Variants in ALG14 observed in about 807,000 individuals in gnomAD.
ALG14 encodes ALG14 UDP-N-acetylglucosaminyltransferase subunit, also known as UDP-N-acetylglucosamine transferase subunit ALG14.
Under a neutral mutation model 22.8 loss-of-function variants are expected in ALG14, and 17 were observed. The ratio of observed to expected loss-of-function variants is 0.75; its 90% CI spans 0.51 to 1.12. ALG14 has a LOEUF of 1.12. ALG14 is among the 50% of genes most tolerant of loss of function. The pLI is 0.00. For synonymous variants in ALG14, 89 were observed against 103.7 expected, an observed-to-expected ratio of 0.86 and a Z score of 0.86; for missense variants, 288 against 271.8, an observed-to-expected ratio of 1.06 and a Z score of -0.42.
Position 95,072,819 on chromosome 1 carries a change from C to A in ALG14, c.80G>T (p.Arg27Leu), listed in dbSNP as rs1267285963. The A allele has an allele frequency of 6.2e-7, 1 of 1,614,176 alleles. No homozygotes were observed. The highest frequency in any genetic ancestry group is 1.1e-5 in the South Asian group (1 of 91,086). The change falls in exon 1 of 4, where the codon CGT becomes CTT. Residue 27 changes from arginine to leucine, a missense_variant. Arg to Leu is a moderately radical substitution (Grantham distance 102). Transcript: ENST00000370205. Reference sequence around the variant, plus strand: ...CTCCCGGGGCGTAACGTCCATGGAACGAAGCACTACCCATATTCGCAGGAT... The same window carrying A: ...CTCCCGGGGCGTAACGTCCATGGAAAGAAGCACTACCCATATTCGCAGGAT... The part of the protein sequence containing the change: ...FLILRIWVVL[R>L]SMDVTPRESL...
rs148945208 is a variant in ALG14, at chr1:95,060,954, A to C, written c.288+3912T>G. Among the ~76,000 whole-genome samples the C allele has an allele frequency of 2.0e-3, 298 of 152,268 alleles. 1 individual carries two copies. The highest frequency in any genetic ancestry group is 7.0e-3 in the African/African-American group (292 of 41,570). ...TCCTTCTGAATTAGAGTGGGCCCTAAATCCAACCGGTATCCTCATAAAAAA... is the reference window on the plus strand; with the variant it reads ...TCCTTCTGAATTAGAGTGGGCCCTACATCCAACCGGTATCCTCATAAAAAA... On this transcript the variant is annotated intron_variant, in intron 2 of 3. Transcript: ENST00000370205.
chr1:95,009,397 G>C (rs1673306071), intron 3 of ALG14, among the ~76,000 whole-genome samples: 1 of 152,014 alleles, frequency 6.6e-6, no homozygotes, highest in Non-Finnish European at 1.5e-5. Context: ...ATAGTAAGTA[G>C]AGCAGAGAAT....
chr1:95,038,064 A>T (rs1674255174), intron 2 of ALG14, among the ~76,000 whole-genome samples: 1 of 152,220 alleles, frequency 6.6e-6, no homozygotes, highest in Admixed American at 6.5e-5. Flanking sequence ...AAACTGGACC[A>T]GGTGCGGTGG....
chr1:95,036,757 C>G (rs1428597778), intron 2 of ALG14, among the ~76,000 whole-genome samples: 1 of 152,112 alleles, frequency 6.6e-6, no homozygotes, highest in Non-Finnish European at 1.5e-5. Context: ...ATTACCCAGT[C>G]TCGGGCAGTT....
intron 2 of ALG14, among the ~76,000 whole-genome samples, chr1:95,048,546 G>A (rs150132949): frequency 1.3e-5 from 2 of 152,280 alleles, no homozygotes; most frequent in East Asian, 3.9e-4. Flanking sequence ...ACGCCTTGGA[G>A]GGGTGGATGT....
In ALG14 at chr1:95,072,894, A is replaced by C; in HGVS notation, c.5T>G (p.Val2Gly). 6.2e-7 allele frequency: 1 copy of C among 1,614,008 alleles called. No homozygotes were observed. The highest frequency in any genetic ancestry group is 2.2e-5 in the East Asian group (1 of 44,870). Residue 2 changes from valine to glycine, a missense_variant, in exon 1 of 4, where the codon GTG (valine) becomes GGG (glycine). Transcript: ENST00000370205. M[V>G]CVLVLAAAAG... ...GGCCGCAGCTAGAACGAGAACGCAC[A>C]CCATGCAGAGAAACGGCGCATGCGT...
At chr1:95,041,628 AAAAG>A (rs1392348334) in intron 2 of ALG14, 14 of 152,004 alleles carry the variant, frequency 9.2e-5, no homozygotes, top group Admixed American at 2.0e-4. Flanking sequence ...AAAAAAAAAA[AAAAG>A]AAAGAAAGAA....
Position 95,049,713 on chromosome 1 carries a change from T to C in ALG14, c.288+15153A>G, listed in dbSNP as rs189986535. On this transcript the variant is annotated intron_variant, in intron 2 of 3. Transcript: ENST00000370205. ...ATAATGAGACCCTGTTACTACAAAA[T>C]ATCAAAAATTAGCCCAGTGTGGTGG... Among the ~76,000 whole-genome samples the C allele has an allele frequency of 3.3e-5, 5 of 151,334 alleles. No homozygotes were observed. The East Asian group carries it at 9.8e-4, about 30-fold the overall frequency.
intron 2 of ALG14, among the ~76,000 whole-genome samples, chr1:95,041,296 T>G (rs1674369630): frequency 1.3e-5 from 2 of 152,146 alleles, no homozygotes; most frequent in African/African-American, 4.8e-5. Context: ...ATAACTATGT[T>G]AAGCCACCAG....
intron 3 of ALG14, among the ~76,000 whole-genome samples, chr1:95,011,177 ACG>A: frequency 6.6e-6 from 1 of 152,214 alleles, no homozygotes; most frequent in East Asian, 1.9e-4. Context: ...CCTCACCTCC[ACG>A]GTGATGATAT....
At chr1:95,038,648 TCCAG>T (rs1363747049) in intron 2 of ALG14, among the ~76,000 whole-genome samples, 37 of 133,472 alleles carry the variant, frequency 2.8e-4, no homozygotes, top group South Asian at 7.8e-4. Context: ...ACCACTGCAC[TCCAG>T]CCTGGGCAAC....
intron 3 of ALG14, among the ~76,000 whole-genome samples, chr1:94,996,532 A>T (rs1333736103): frequency 1.3e-5 from 2 of 152,162 alleles, no homozygotes; most frequent in African/African-American, 2.4e-5. Context: ...TAGCAGAGAG[A>T]ACTGCCAGAT....
At chr1:95,059,413 A>AAAAAAAAC (rs1557653897) in intron 2 of ALG14, among the ~76,000 whole-genome samples, 2 of 143,406 alleles carry the variant, frequency 1.4e-5, no homozygotes, top group Non-Finnish European at 3.1e-5. Context: ...AAAAAAAAAA[A>AAAAAAAAC]AAAAAAACAT....
At chr1:94,986,662 G>A (rs1292375867) in intron 3 of ALG14, among the ~76,000 whole-genome samples, 2 of 151,776 alleles carry the variant, frequency 1.3e-5, no homozygotes, top group East Asian at 1.9e-4. Flanking sequence ...TAGTAGAGAC[G>A]GGGTTTCACC....
intron 2 of ALG14, among the ~76,000 whole-genome samples, chr1:95,054,940 A>C (rs1674878991): frequency 6.6e-6 from 1 of 152,238 alleles, no homozygotes; most frequent in African/African-American, 2.4e-5. Context: ...AAATCTAGCA[A>C]TGTATTAAAA....
At chr1:95,054,312 T>A (rs982749124) in intron 2 of ALG14, among the ~76,000 whole-genome samples, 1 of 152,060 alleles carries the variant, frequency 6.6e-6, no homozygotes, top group Non-Finnish European at 1.5e-5. Context: ...AGTGAGTGAG[T>A]TCTCACGGGA....
At chr1:95,029,023 C>T (rs1673913636) in intron 2 of ALG14, among the ~76,000 whole-genome samples, 1 of 152,230 alleles carries the variant, frequency 6.6e-6, no homozygotes, top group African/African-American at 2.4e-5. Flanking sequence ...AACAAATTAT[C>T]TCCAAATTTA....
chr1:95,063,075 T>C (rs187145528), intron 2 of ALG14, among the ~76,000 whole-genome samples: 1 of 152,348 alleles, frequency 6.6e-6, no homozygotes, highest in East Asian at 1.9e-4. Flanking sequence ...CTTTCATATG[T>C]TTGTTGGCTG....
chr1:95,047,886 G>A lies in ALG14; in HGVS notation c.288+16980C>T, dbSNP rs1452754349. The stretch of plus-strand genomic sequence containing the variant: ...AGCTACTTGGGAAGCTGAGGCAGGA[G>A]AATCACTTGAGCCCAGGAGTTCGAG... On this transcript the variant is annotated intron_variant, in intron 2 of 3. Coordinates refer to ENST00000370205, the MANE Select transcript of ALG14 (RefSeq NM_144988.4). Among the ~76,000 whole-genome samples the A allele has an allele frequency of 7.9e-5, 12 of 152,222 alleles. No homozygotes were observed. The East Asian group carries it at 2.3e-3, about 29-fold the overall frequency.
Sources: gnomAD v4.1 joint callset for allele counts (sites outside exome capture counted in the v4.1 genomes callset) on GRCh38, gnomAD v4.1.1 for gene constraint, MANE v1.5 for transcripts, NCBI Gene and HGNC (gene_info 2026-07-23, HGNC 2026-07-21) for gene names.